MEF2C: variants seen among roughly 807,000 people sequenced by gnomAD.
MEF2C encodes myocyte enhancer factor 2C.
In MEF2C, 6 loss-of-function variants were observed where a neutral mutation model predicts 50.5. The ratio of observed to expected loss-of-function variants is 0.12; its 90% CI spans 0.07 to 0.23. The LOEUF is 0.23. Among genes scored for constraint, MEF2C ranks in the 10% least tolerant of loss-of-function variants. The pLI, the probability that MEF2C is intolerant of heterozygous loss-of-function variation, is 1.00. For synonymous variants in MEF2C, 183 were observed against 228.0 expected (o/e 0.80, Z 1.78); for missense variants, 276 against 605.0 (o/e 0.46, Z 5.70).
At chr5:88,762,580 A>AT (rs1422412953) in intron 3 of MEF2C, among the ~76,000 whole-genome samples, 14 of 112,998 alleles carry the variant, frequency 1.2e-4, no homozygotes, top group East Asian at 3.0e-4. Context: ...CTTTATTATT[A>AT]TTATTTTTTT....
intron 2 of MEF2C, among the ~76,000 whole-genome samples, chr5:88,806,618 A>G (rs1800538272): frequency 6.6e-6 from 1 of 152,078 alleles, no homozygotes; most frequent in Non-Finnish European, 1.5e-5. Flanking sequence ...CAGTCTCCTC[A>G]TTCCTCCACA....
chr5:88,775,197 C>T (rs973987879), intron 3 of MEF2C, among the ~76,000 whole-genome samples: 1 of 152,162 alleles, frequency 6.6e-6, no homozygotes, highest in African/African-American at 2.4e-5. Context: ...GAGTTAGGGT[C>T]CTCTGCTCAA....
intron 1 of MEF2C, among the ~76,000 whole-genome samples, chr5:88,890,836 G>A (rs565496935): frequency 3.9e-5 from 6 of 152,070 alleles, no homozygotes; most frequent in African/African-American, 1.4e-4. Flanking sequence ...TTTTTTTATA[G>A]GCAAGAGAAA....
At chr5:88,882,120 T>C (rs546080869) in intron 1 of MEF2C, among the ~76,000 whole-genome samples, 1 of 152,358 alleles carries the variant, frequency 6.6e-6, no homozygotes, top group East Asian at 1.9e-4. Context: ...TAGCATTAAA[T>C]TTAAATACTT....
intron 1 of MEF2C, among the ~76,000 whole-genome samples, chr5:88,855,445 A>T (rs1411893690): frequency 6.6e-6 from 1 of 152,222 alleles, no homozygotes; most frequent in Non-Finnish European, 1.5e-5. Flanking sequence ...AAAAGAATAA[A>T]CTAGTTAGTT....
intron 6 of MEF2C, chr5:88,742,718 A>G (rs921375722): frequency 1.0e-6 from 1 of 985,174 alleles, no homozygotes; most frequent in African/African-American, 1.7e-5. Flanking sequence ...AACATTTTTC[A>G]TTTGTCTTGT....
At chr5:88,900,054 G>C (rs955003779) in intron 1 of MEF2C, among the ~76,000 whole-genome samples, 1 of 151,946 alleles carries the variant, frequency 6.6e-6, no homozygotes, top group Admixed American at 6.6e-5. Context: ...AGCAAGTACT[G>C]TTCCAAAGCC....
intron 3 of MEF2C, among the ~76,000 whole-genome samples, chr5:88,798,890 A>T (rs1797117896): frequency 6.6e-6 from 1 of 152,202 alleles, no homozygotes; most frequent in Non-Finnish European, 1.5e-5. Flanking sequence ...TCCTTTTAAC[A>T]GTCAGGCACC....
chr5:88,856,980 C>T (rs1270937088), intron 1 of MEF2C, among the ~76,000 whole-genome samples: 1 of 152,204 alleles, frequency 6.6e-6, no homozygotes, highest in Non-Finnish European at 1.5e-5. Context: ...ATGGTAGATC[C>T]ACTGACAGCT....
At chr5:88,797,459 T>C (rs1157060382) in intron 3 of MEF2C, among the ~76,000 whole-genome samples, 1 of 129,816 alleles carries the variant, frequency 7.7e-6, no homozygotes, top group African/African-American at 2.9e-5. Flanking sequence ...CCTTGCCTTT[T>C]TTTTTTTTTT....
intron 1 of MEF2C, among the ~76,000 whole-genome samples, chr5:88,865,287 T>C (rs1339361049): frequency 6.6e-6 from 1 of 152,212 alleles, no homozygotes; most frequent in Non-Finnish European, 1.5e-5. Context: ...CAATGTTTTA[T>C]ACCTATGACC....
At chr5:88,785,350 T>C (rs1437589238) in intron 3 of MEF2C, 4 of 151,702 alleles carry the variant, frequency 2.6e-5, no homozygotes, top group Non-Finnish European at 5.9e-5. Context: ...CAGAATTCCA[T>C]TTGTTGAAAC....
intron 3 of MEF2C, among the ~76,000 whole-genome samples, chr5:88,779,725 T>A (rs1368263333): frequency 2.0e-5 from 3 of 151,192 alleles, no homozygotes; most frequent in African/African-American, 7.3e-5. Flanking sequence ...GAAAGTAATA[T>A]TTCAATATAG....
At chr5:88,808,355 T>C (rs1262555738) in intron 2 of MEF2C, among the ~76,000 whole-genome samples, 1 of 152,166 alleles carries the variant, frequency 6.6e-6, no homozygotes, top group Non-Finnish European at 1.5e-5. Context: ...CTCAATACAG[T>C]ATGGTTTCTG....
Position 88,879,794 on chromosome 5 carries a change from G to T in MEF2C, c.-143+3161C>A, listed in dbSNP as rs115563830. 4.8e-3 allele frequency among the ~76,000 whole-genome samples: 725 copies of T among 152,230 alleles called. 3 individuals carry two copies. Among genetic ancestry groups the T allele is most frequent in the African/African-American group, 0.017 (696 of 41,552 alleles). On this transcript the variant is annotated intron_variant, in intron 1 of 10. Coordinates refer to ENST00000504921, the MANE Select transcript of MEF2C (RefSeq NM_002397.5). ...AACTGAATTTTCCATTGTTTGAATG[G>T]ATCATAATGATGAAGCAACAGGGTC...
intron 6 of MEF2C, chr5:88,743,306 A>G: frequency 3.0e-6 from 3 of 985,334 alleles, no homozygotes; most frequent in Non-Finnish European, 3.6e-6. Flanking sequence ...TAAATTTTTA[A>G]CCACTTCACT....
At chr5:88,743,623 A>G (rs1182284594) in intron 6 of MEF2C, 1 of 983,572 alleles carries the variant, frequency 1.0e-6, no homozygotes, top group African/African-American at 1.7e-5. Flanking sequence ...CTCCAATCTG[A>G]GTAAGTACTA....
intron 6 of MEF2C, chr5:88,743,862 TGTTA>T (rs1768048593): frequency 1.9e-5 from 18 of 966,914 alleles, no homozygotes; most frequent in Non-Finnish European, 2.2e-5. Flanking sequence ...AGAAAACAGA[TGTTA>T]GTTTCTTTTT....
chr5:88,793,727 G>A (rs1363527749), intron 3 of MEF2C, among the ~76,000 whole-genome samples: 1 of 152,104 alleles, frequency 6.6e-6, no homozygotes, highest in Admixed American at 6.6e-5. Flanking sequence ...CACGTGCCAT[G>A]GTGGTTTGCT....
Sources: allele counts gnomAD v4.1 joint callset (sites outside exome capture counted in the v4.1 genomes callset), GRCh38; gene constraint gnomAD v4.1.1; transcripts MANE v1.5; gene names NCBI Gene and HGNC (gene_info 2026-07-23, HGNC 2026-07-21).